The following IL1RAPL1 variants were observed in gnomAD, a reference collection of about 807,000 sequenced individuals.
The protein encoded by IL1RAPL1 is interleukin-1 receptor accessory protein-like 1.
In IL1RAPL1, 3 loss-of-function variants were observed where a neutral mutation model predicts 48.4. That is an observed-to-expected ratio of 0.06 (90% CI 0.03 to 0.16). The LOEUF is 0.16. IL1RAPL1 is among the 10% of genes least tolerant of loss of function. The pLI is 1.00. For missense variants in IL1RAPL1, 349 were observed against 530.6 expected (o/e 0.66, Z 3.36); for synonymous variants, 185 against 187.7 (o/e 0.99, Z 0.12).
intron 3 of IL1RAPL1, among the ~76,000 whole-genome samples, chrX:29,375,204 C>T (rs749590429): frequency 1.2e-5 from 1 of 86,719 alleles, no homozygotes; most frequent in South Asian, 6.1e-4. Context: ...TCTTGTTGTC[C>T]AGACTGGAGT....
chrX:29,471,616 C>T (rs1282424739), intron 5 of IL1RAPL1, among the ~76,000 whole-genome samples: 1 of 111,452 alleles, frequency 9.0e-6, no homozygotes, highest in Non-Finnish European at 1.9e-5. Context: ...CATTGTGATT[C>T]CGTTCCCAAG....
chrX:29,631,180 A>G (rs920044989), intron 5 of IL1RAPL1, among the ~76,000 whole-genome samples: 1 of 111,812 alleles, frequency 8.9e-6, no homozygotes, highest in Non-Finnish European at 1.9e-5. Context: ...TGTTTCCAAC[A>G]TGATTTTATT....
chrX:29,106,054 T>C (rs1928440111), intron 2 of IL1RAPL1, among the ~76,000 whole-genome samples: 2 of 112,560 alleles, frequency 1.8e-5, no homozygotes, highest in South Asian at 7.3e-4. Flanking sequence ...AATTTTTTCT[T>C]TCCATTCTTT....
intron 1 of IL1RAPL1, among the ~76,000 whole-genome samples, chrX:28,720,308 T>C (rs184556494): frequency 7.8e-4 from 87 of 111,644 alleles, no homozygotes; most frequent in East Asian, 2.6e-3. Flanking sequence ...ATTTCTGTTA[T>C]ATAGTTGAGA....
Position 29,125,992 on chromosome X carries a change from C to T in IL1RAPL1, c.83-156946C>T, listed in dbSNP as rs373369594. On this transcript the variant is annotated intron_variant, in intron 2 of 10. Coordinates refer to ENST00000378993, the MANE Select transcript of IL1RAPL1 (RefSeq NM_014271.4). ...ACTGAAATACATCATCTGTACCATG[C>T]GGATAATTGCATTTATGTCTTGGTG... is the stretch of plus-strand genomic sequence containing the variant. 1.5e-4 allele frequency among the ~76,000 whole-genome samples: 16 copies of T among 107,954 alleles called. No individual in the cohort carries two copies. In the South Asian group the frequency reaches 2.5e-3, roughly 17 times the overall value. The allele number at this position is 107,954 out of a possible 115,157, so 93.7% of individuals were successfully genotyped here. A position where few individuals can be genotyped will look rare whatever the true frequency, so the allele number is the denominator to read the frequency against.
intron 2 of IL1RAPL1, among the ~76,000 whole-genome samples, chrX:29,239,765 G>GTA (rs1365101608): frequency 9.1e-6 from 1 of 109,572 alleles, no homozygotes; most frequent in Non-Finnish European, 1.9e-5. Flanking sequence ...TAGTGTTAGT[G>GTA]TATTTTATGT....
chrX:29,586,954 A>G (rs779556100), intron 5 of IL1RAPL1, among the ~76,000 whole-genome samples: 1 of 102,438 alleles, frequency 9.8e-6, no homozygotes, highest in South Asian at 4.7e-4. Flanking sequence ...CTTTATATAA[A>G]ATGTTGTCAT....
chrX:29,825,908 C>T (rs891213835), intron 6 of IL1RAPL1, among the ~76,000 whole-genome samples: 13 of 110,740 alleles, frequency 1.2e-4, no homozygotes, highest in African/African-American at 3.9e-4. Flanking sequence ...GAATGTAGTT[C>T]GCCGACTCGG....
At chrX:29,430,937 T>C (rs1934415280) in intron 5 of IL1RAPL1, among the ~76,000 whole-genome samples, 1 of 111,066 alleles carries the variant, frequency 9.0e-6, no homozygotes, top group Non-Finnish European at 1.9e-5. Flanking sequence ...GAGAATAGAA[T>C]GATTATACTA....
At chrX:29,509,588 C>T (rs761605061) in intron 5 of IL1RAPL1, among the ~76,000 whole-genome samples, 2 of 111,706 alleles carry the variant, frequency 1.8e-5, no homozygotes, top group Non-Finnish European at 3.8e-5. Context: ...ATTATAAAAC[C>T]CAGATGGAAA....
chrX:28,847,826 G>T (rs775329808), intron 2 of IL1RAPL1, among the ~76,000 whole-genome samples: 34 of 111,355 alleles, frequency 3.1e-4, no homozygotes, highest in Non-Finnish European at 5.3e-4. Flanking sequence ...TTTCACCAAT[G>T]ACTTTTTATA....
In IL1RAPL1 at chrX:28,707,574, C is replaced by T. The variant is rs770847006; in HGVS notation, c.-24-81746C>T. On this transcript the variant is annotated intron_variant, in intron 1 of 10. Transcript: ENST00000378993. ...AAAATATATAGAATATATTATACCA[C>T]GGACTACTCTTTTTTCATCTATTAA... Among the ~76,000 whole-genome samples, 7 of 111,871 alleles carry T rather than the reference C, an allele frequency of 6.3e-5. No homozygotes were observed. The South Asian group carries it at 1.1e-3, about 18-fold the overall frequency.
rs143321454 is a variant in IL1RAPL1 at position 29,799,969 on chromosome X, C to G, written c.779-117495C>G. ...TTGGTTGCCTGGAAATGTTGTACAT[C>G]TCAGTTTCATAGCAAGGTCATAAAT... On this transcript the variant is annotated intron_variant, in intron 6 of 10. Coordinates refer to ENST00000378993, the MANE Select transcript of IL1RAPL1 (RefSeq NM_014271.4). Among the ~76,000 whole-genome samples, 131 of 111,818 alleles carry G rather than the reference C, an allele frequency of 1.2e-3. 1 individual carries two copies. Among genetic ancestry groups the G allele is most frequent in the African/African-American group, 4.1e-3 (126 of 30,761 alleles).
intron 2 of IL1RAPL1, among the ~76,000 whole-genome samples, chrX:29,273,204 C>T (rs1158724406): frequency 8.9e-6 from 1 of 112,250 alleles, no homozygotes; most frequent in Non-Finnish European, 1.9e-5. Context: ...GGTAAGAAAA[C>T]AGTCTGGCTC....
intron 5 of IL1RAPL1, among the ~76,000 whole-genome samples, chrX:29,400,803 A>C (rs777309902): frequency 2.7e-5 from 3 of 112,079 alleles, no homozygotes; most frequent in Non-Finnish European, 5.6e-5. Flanking sequence ...TTTAATCTCT[A>C]CTGAAGTGGT....
At chrX:29,205,616 A>C (rs762873629) in intron 2 of IL1RAPL1, among the ~76,000 whole-genome samples, 1 of 112,078 alleles carries the variant, frequency 8.9e-6, no homozygotes, top group Non-Finnish European at 1.9e-5. Flanking sequence ...GCATTATAGT[A>C]ATAGGTATTG....
At chrX:28,961,503 C>A (rs1408591417) in intron 2 of IL1RAPL1, among the ~76,000 whole-genome samples, 2 of 110,893 alleles carry the variant, frequency 1.8e-5, no homozygotes, top group Non-Finnish European at 3.8e-5. Context: ...ACCCCTTGGT[C>A]CCCACCACCT....
At chrX:29,165,765 G>A (rs1465542976) in intron 2 of IL1RAPL1, among the ~76,000 whole-genome samples, 2 of 111,780 alleles carry the variant, frequency 1.8e-5, no homozygotes, top group East Asian at 5.6e-4. Flanking sequence ...CATCAGAGAA[G>A]CTATGTTTAA....
chrX:29,414,309 A>T (rs980723827), intron 5 of IL1RAPL1, among the ~76,000 whole-genome samples: 20 of 112,302 alleles, frequency 1.8e-4, no homozygotes, highest in African/African-American at 5.5e-4. Flanking sequence ...ATTTAATGCC[A>T]TTTAATTGTA....
Sources: allele counts gnomAD v4.1 joint callset (sites outside exome capture counted in the v4.1 genomes callset), GRCh38; gene constraint gnomAD v4.1.1; transcripts MANE v1.5; gene names NCBI Gene and HGNC (gene_info 2026-07-23, HGNC 2026-07-21).